The following EFCAB5 variants were observed in gnomAD, a reference collection of about 807,000 sequenced individuals.
EFCAB5 encodes EF-hand calcium-binding domain-containing protein 5.
In EFCAB5, 131 loss-of-function variants were observed where a neutral mutation model predicts 167.9. The ratio of observed to expected loss-of-function variants is 0.78; its 90% CI spans 0.68 to 0.90. The LOEUF is 0.90. EFCAB5 is among the 40% of genes least tolerant of loss of function. EFCAB5 has a pLI of 0.00. For missense variants in EFCAB5, 1,663 were observed against 1,745.2 expected (o/e 0.95, Z 0.84); for synonymous variants, 574 against 602.8 (o/e 0.95, Z 0.70).
chr17:29,979,510 A>T (rs2068129000), intron 4 of EFCAB5, among the ~76,000 whole-genome samples: 1 of 152,180 alleles, frequency 6.6e-6, no homozygotes, highest in South Asian at 2.1e-4. Context: ...ATACATATTA[A>T]CTAATCAAAA....
chr17:30,006,229 G>A (rs1252349006), intron 7 of EFCAB5, among the ~76,000 whole-genome samples: 7 of 152,188 alleles, frequency 4.6e-5, no homozygotes, highest in African/African-American at 1.7e-4. Context: ...TGGTTTTTCT[G>A]TTAACATATT....
In EFCAB5 at chr17:30,053,775, G is replaced by A. The variant is rs143904791; in HGVS notation, c.1821G>A (p.Gly607=). 4 of 1,613,686 alleles carry A rather than the reference G, an allele frequency of 2.5e-6. No individual in the cohort carries two copies. The highest frequency in any genetic ancestry group is 3.4e-6 in the Non-Finnish European group (4 of 1,179,860). ...GCAGAGAGTCAGTTGCAGAACAAGGGTCACGCAGAGAGTCTATTGCAGAAC... is the reference window on the plus strand; with the variant it reads ...GCAGAGAGTCAGTTGCAGAACAAGGATCACGCAGAGAGTCTATTGCAGAAC... ...GSSRESVAEQ[G]SRRESIAEQD... The change falls in exon 10 of 23, where the codon GGG becomes GGA. Residue 607 remains glycine, a synonymous_variant. Coordinates refer to ENST00000394835, the MANE Select transcript of EFCAB5 (RefSeq NM_198529.4).
intron 8 of EFCAB5, among the ~76,000 whole-genome samples, chr17:30,046,820 C>A (rs762067039): frequency 2.0e-5 from 3 of 152,122 alleles, no homozygotes; most frequent in African/African-American, 7.2e-5. Context: ...CTATTTTCTT[C>A]AAGATCCACC....
chr17:29,942,193 C>A (rs745958702), intron 1 of EFCAB5, 47 bp from the exon 2 acceptor site: 233 of 1,495,348 alleles, frequency 1.6e-4, no homozygotes, highest in Non-Finnish European at 1.9e-4. Flanking sequence ...GTAGTTTAAT[C>A]CACAGCTCTT....
chr17:30,011,374 G>C (rs950100811), intron 7 of EFCAB5, among the ~76,000 whole-genome samples: 1 of 152,070 alleles, frequency 6.6e-6, no homozygotes, highest in African/African-American at 2.4e-5. Flanking sequence ...GGATGGCACT[G>C]AATCTATAAA....
intron 4 of EFCAB5, among the ~76,000 whole-genome samples, chr17:29,972,162 C>T (rs529002400): frequency 2.0e-5 from 3 of 151,300 alleles, no homozygotes; most frequent in South Asian, 2.1e-4. Flanking sequence ...CTCAGCCTCC[C>T]GAGTAGCTGG....
At chr17:30,035,761 G>A (rs2069598481) in intron 8 of EFCAB5, among the ~76,000 whole-genome samples, 1 of 152,080 alleles carries the variant, frequency 6.6e-6, no homozygotes, top group Admixed American at 6.6e-5. Context: ...ATAGTATAGG[G>A]AGAGTTACTT....
At chr17:30,100,772 A>AC (rs996817900) in intron 22 of EFCAB5, among the ~76,000 whole-genome samples, 1 of 152,072 alleles carries the variant, frequency 6.6e-6, no homozygotes, top group East Asian at 1.9e-4. Flanking sequence ...GTTCAAAAAA[A>AC]AAAAGGTGAG....
At chr17:29,983,951 C>T (rs2068228519) in intron 4 of EFCAB5, among the ~76,000 whole-genome samples, 1 of 151,958 alleles carries the variant, frequency 6.6e-6, no homozygotes. Flanking sequence ...GGGAAAATGA[C>T]AGAAAACCAA....
chr17:29,982,106 G>A (rs939068350), intron 4 of EFCAB5, among the ~76,000 whole-genome samples: 1 of 152,104 alleles, frequency 6.6e-6, no homozygotes, highest in Non-Finnish European at 1.5e-5. Context: ...CTCATCATGG[G>A]ACTAATATGG....
intron 4 of EFCAB5, among the ~76,000 whole-genome samples, chr17:29,971,579 A>C (rs562984120): frequency 2.0e-5 from 3 of 152,334 alleles, no homozygotes; most frequent in Admixed American, 1.3e-4. Context: ...ATTTTTAAAA[A>C]TTAAGACTTG....
rs143775623 is a variant in EFCAB5 at position 30,029,818 on chromosome 17, T to G, written c.1045-4412T>G. Among the ~76,000 whole-genome samples the G allele has an allele frequency of 1.9e-3, 285 of 152,300 alleles. 1 individual carries two copies. The highest frequency in any genetic ancestry group is 6.4e-3 in the African/African-American group (267 of 41,574). On this transcript the variant is annotated intron_variant, in intron 7 of 22. Transcript: ENST00000394835. ...TTATATCACCCACTTCATCAACTCT[T>G]CAGTATGTCTACAATTAAATAAGTA...
intron 7 of EFCAB5, among the ~76,000 whole-genome samples, chr17:30,019,447 CT>C (rs763717475): frequency 1.9e-3 from 261 of 140,390 alleles, no homozygotes; most frequent in East Asian, 3.8e-3. Flanking sequence ...CTCCCTCTCT[CT>C]TTTTTTTTTT....
intron 7 of EFCAB5, among the ~76,000 whole-genome samples, chr17:30,004,470 GT>G (rs1374340365): frequency 6.6e-6 from 1 of 152,146 alleles, no homozygotes; most frequent in African/African-American, 2.4e-5. Flanking sequence ...TAACAATTTA[GT>G]TTTAGTTTAG....
intron 7 of EFCAB5, among the ~76,000 whole-genome samples, chr17:30,026,962 T>C (rs1434499208): frequency 2.8e-4 from 1 of 3,606 alleles, no homozygotes; most frequent in Admixed American, 2.3e-3. Context: ...TCCTTGTACC[T>C]TTTTTTTTTT....
rs11357677 is a variant in EFCAB5 at position 29,955,801 on chromosome 17, TAA to T, written c.190+12163_190+12164del. Among the ~76,000 whole-genome samples the T allele has an allele frequency of 6.7e-3, 993 of 149,108 alleles. 9 individuals carry two copies. Among genetic ancestry groups the T allele is most frequent in the African/African-American group, 0.023 (931 of 40,770 alleles). ...CTACCAATGACATTCTTCACAGAAC[TAA>T]AAAAAAAAAACTATTCTAAAATTTA... On this transcript the variant is annotated intron_variant, in intron 3 of 22. Transcript: ENST00000394835.
At chr17:30,011,119 G>A (rs1240730708) in intron 7 of EFCAB5, among the ~76,000 whole-genome samples, 1 of 152,054 alleles carries the variant, frequency 6.6e-6, no homozygotes, top group Admixed American at 6.5e-5. Flanking sequence ...ATATGTGGAT[G>A]TGTGGTGTTA....
chr17:29,945,674 C>A (rs185839661), intron 3 of EFCAB5, among the ~76,000 whole-genome samples: 1 of 151,912 alleles, frequency 6.6e-6, no homozygotes, highest in Admixed American at 6.6e-5. Flanking sequence ...AATAGAGAAC[C>A]CAGAAATAAA....
chr17:29,988,331 A>G (rs903143035), intron 4 of EFCAB5, among the ~76,000 whole-genome samples: 56 of 152,216 alleles, frequency 3.7e-4, no homozygotes, highest in Admixed American at 6.5e-4. Flanking sequence ...AGCATTTTCA[A>G]TTAATTGTGT....
Sources: allele counts gnomAD v4.1 joint callset (sites outside exome capture counted in the v4.1 genomes callset), GRCh38; gene constraint gnomAD v4.1.1; transcripts MANE v1.5; gene names NCBI Gene and HGNC (gene_info 2026-07-23, HGNC 2026-07-21).